The following FAM162A variants were observed in gnomAD, a reference collection of about 807,000 sequenced individuals.
The protein encoded by FAM162A is family with sequence similarity 162 member A.
FAM162A carries 23 observed loss-of-function variants against 21.8 expected under a neutral mutation model. The observed-to-expected ratio is 1.05, with a 90% CI of 0.76 to 1.49. FAM162A has a LOEUF of 1.49. FAM162A is among the 40% of genes most tolerant of loss of function. The pLI is 0.00. For missense variants in FAM162A, 165 were observed against 186.4 expected, an observed-to-expected ratio of 0.89 and a Z score of 0.67; for synonymous variants, 53 against 61.3, an observed-to-expected ratio of 0.86 and a Z score of 0.64.
chr3:122,387,101 T>A (rs2075577973), intron 1 of FAM162A, among the ~76,000 whole-genome samples: 1 of 152,208 alleles, frequency 6.6e-6, no homozygotes, highest in African/African-American at 2.4e-5. Flanking sequence ...GCAATACATA[T>A]TTTTTGGATG....
chr3:122,386,106 A>T (rs749540949), intron 1 of FAM162A, among the ~76,000 whole-genome samples: 2 of 152,236 alleles, frequency 1.3e-5, no homozygotes, highest in Non-Finnish European at 2.9e-5. Context: ...TGAATTTGTC[A>T]TGACTAATTG....
intron 1 of FAM162A, among the ~76,000 whole-genome samples, chr3:122,394,780 C>T (rs777632379): frequency 6.6e-6 from 1 of 152,142 alleles, no homozygotes; most frequent in Non-Finnish European, 1.5e-5. Context: ...CTTCCCAATA[C>T]ATTTGATGAG....
intron 1 of FAM162A, among the ~76,000 whole-genome samples, chr3:122,397,535 C>T (rs1354777469): frequency 6.6e-6 from 1 of 152,162 alleles, no homozygotes; most frequent in East Asian, 1.9e-4. Context: ...GCCTTTCCAG[C>T]TTTCATTTCT....
At chr3:122,384,450 G>A in intron 1 of FAM162A, 151 bp downstream of exon 1, 1 of 960,412 alleles carries the variant, frequency 1.0e-6, no homozygotes, top group East Asian at 2.6e-5. Context: ...GTAGCCATGT[G>A]GGAGGGAACT....
intron 1 of FAM162A, among the ~76,000 whole-genome samples, chr3:122,386,095 G>A (rs1019383971): frequency 3.9e-5 from 6 of 152,164 alleles, no homozygotes; most frequent in African/African-American, 1.4e-4. Flanking sequence ...CTGTGCGTGT[G>A]TGAATTTGTC....
intron 1 of FAM162A, among the ~76,000 whole-genome samples, chr3:122,390,722 T>C (rs1223256696): frequency 6.6e-6 from 1 of 152,210 alleles, no homozygotes; most frequent in Non-Finnish European, 1.5e-5. Flanking sequence ...GAAGTGCACA[T>C]TCTCAGGTTC....
chr3:122,410,106 G>A lies in FAM162A; in HGVS notation c.*275G>A, dbSNP rs1356178736. 8 of 415,318 alleles carry A rather than the reference G, an allele frequency of 1.9e-5. No homozygotes were observed. Among genetic ancestry groups the A allele is most frequent in the Non-Finnish European group, 9.0e-6 (2 of 221,136 alleles). 25.7% of individuals were successfully genotyped at this position (415,318 alleles called of 1,614,324 possible). A position where few individuals can be genotyped will look rare whatever the true frequency, so the allele number is the denominator to read the frequency against. On this transcript the variant is annotated 3_prime_UTR_variant, in exon 5 of 5. Coordinates refer to ENST00000477892, the MANE Select transcript of FAM162A (RefSeq NM_014367.4). ...TGAATACCAACTCTTCAGAGAAGCA[G>A]GTACCATATCTTACTTCTCTTCCCA...
rs141726416 is a variant in FAM162A, at chr3:122,388,929, G to A, written c.34+4630G>A. On this transcript the variant is annotated intron_variant, in intron 1 of 4. Coordinates refer to ENST00000477892, the MANE Select transcript of FAM162A (RefSeq NM_014367.4). Reference sequence around the variant, plus strand: ...CCGGGCGTGGTGGTGGGCGCCTGTAGTCCCAGCTACTCAGGAGGCTGAGGC... The same window carrying A: ...CCGGGCGTGGTGGTGGGCGCCTGTAATCCCAGCTACTCAGGAGGCTGAGGC... Among the ~76,000 whole-genome samples, 821 of 152,066 alleles carry A rather than the reference G, an allele frequency of 5.4e-3. 4 individuals carry two copies. Among genetic ancestry groups the A allele is most frequent in the East Asian group, 0.025 (127 of 5,176 alleles).
rs2107703052 is a variant in FAM162A, at chr3:122,411,361, T to C, written c.*1530T>C. The C allele has an allele frequency of 6.6e-6, 1 of 152,340 alleles. No individual in the cohort carries two copies. The highest frequency in any genetic ancestry group is 1.5e-5 in the Non-Finnish European group (1 of 68,024). The allele number at this position is 152,340 out of a possible 1,614,324, so 9.4% of individuals were successfully genotyped here. A position where few individuals can be genotyped will look rare whatever the true frequency, so the allele number is the denominator to read the frequency against. On this transcript the variant is annotated 3_prime_UTR_variant, in exon 5 of 5. Transcript: ENST00000477892. ...CTTGCAAATTTATTTTCAAAAAGCA[T>C]AGTTTCTTGTACATTTTAGAAGATT...
rs1240067160 is a variant in FAM162A, at chr3:122,412,070, A to G, written c.*2239A>G. The G allele has an allele frequency of 1.3e-5, 2 of 152,126 alleles. No homozygotes were observed. The highest frequency in any genetic ancestry group is 2.4e-5 in the African/African-American group (1 of 41,418). The allele number at this position is 152,126 out of a possible 1,614,324, so 9.4% of individuals were successfully genotyped here. A position where few individuals can be genotyped will look rare whatever the true frequency, so the allele number is the denominator to read the frequency against. On this transcript the variant is annotated 3_prime_UTR_variant, in exon 5 of 5. Coordinates refer to ENST00000477892, the MANE Select transcript of FAM162A (RefSeq NM_014367.4). ...AGTACCCTTACAGCACTCCTACCCTACTAGTAACTCTGATATCTCATAGTC... is the reference window on the plus strand; with the variant it reads ...AGTACCCTTACAGCACTCCTACCCTGCTAGTAACTCTGATATCTCATAGTC...
At position 122,402,875 on chromosome 3, in the gene FAM162A, T is replaced by C. The variant is rs1395588896; in HGVS notation, c.150T>C (p.Ala50=). The C allele has an allele frequency of 5.0e-6, 8 of 1,590,612 alleles. No homozygotes were observed. Among genetic ancestry groups the C allele is most frequent in the Non-Finnish European group, 6.8e-6 (8 of 1,173,052 alleles). The part of the protein sequence containing the change: ...FCTKPQESPG[A]PSRTYNRVPL... ...CAAAACCACAGGAAAGTCCCGGAGCTCCATCCCGTAAGTTTTTATTTTTTC... is the reference window on the plus strand; with the variant it reads ...CAAAACCACAGGAAAGTCCCGGAGCCCCATCCCGTAAGTTTTTATTTTTTC... The change falls in exon 2 of 5, where the codon GCT becomes GCC. Residue 50 remains alanine, a synonymous_variant. Coordinates refer to ENST00000477892, the MANE Select transcript of FAM162A (RefSeq NM_014367.4).
intron 1 of FAM162A, among the ~76,000 whole-genome samples, chr3:122,389,581 T>G (rs1430896597): frequency 1.3e-5 from 2 of 152,126 alleles, no homozygotes; most frequent in Non-Finnish European, 2.9e-5. Flanking sequence ...CACTGAAAAA[T>G]TGGAAAGAAA....
intron 4 of FAM162A, among the ~76,000 whole-genome samples, chr3:122,408,795 C>T (rs1183495675): frequency 1.3e-5 from 2 of 152,138 alleles, no homozygotes; most frequent in African/African-American, 2.4e-5. Context: ...AAATTATTCA[C>T]CTGGAATCTC....
At chr3:122,395,097 A>G (rs1022748719) in intron 1 of FAM162A, among the ~76,000 whole-genome samples, 3 of 152,214 alleles carry the variant, frequency 2.0e-5, no homozygotes, top group East Asian at 1.9e-4. Context: ...CTCAGAAACT[A>G]TGAATAGAAA....
chr3:122,404,698 A>C (rs530803456), intron 3 of FAM162A, among the ~76,000 whole-genome samples: 7 of 152,328 alleles, frequency 4.6e-5, no homozygotes, highest in Non-Finnish European at 8.8e-5. Flanking sequence ...ATTGACAATG[A>C]CTGTATTCCC....
chr3:122,399,402 C>T (rs547117482), intron 1 of FAM162A, among the ~76,000 whole-genome samples: 4 of 152,230 alleles, frequency 2.6e-5, no homozygotes, highest in South Asian at 4.2e-4. Flanking sequence ...AGGCTCACTG[C>T]GACCTTCGGC....
intron 2 of FAM162A, 88 bp downstream of exon 2, chr3:122,402,970 T>C (rs1576252031): frequency 7.1e-7 from 1 of 1,410,508 alleles, no homozygotes; most frequent in East Asian, 2.3e-5. Flanking sequence ...AGAGAAGAGG[T>C]TCCTATATCA....
intron 4 of FAM162A, 132 bp downstream of exon 4, chr3:122,407,521 G>A: frequency 3.0e-5 from 19 of 626,242 alleles, no homozygotes; most frequent in Middle Eastern, 3.3e-4. Flanking sequence ...GAAAAGATAA[G>A]CAAAAAAATA....
intron 1 of FAM162A, among the ~76,000 whole-genome samples, chr3:122,398,282 A>G (rs926577143): frequency 6.6e-6 from 1 of 152,218 alleles, no homozygotes; most frequent in African/African-American, 2.4e-5. Context: ...GATCTAGGTA[A>G]TAATCACCAT....
Sources: gnomAD v4.1 joint callset for allele counts (sites outside exome capture counted in the v4.1 genomes callset) on GRCh38, gnomAD v4.1.1 for gene constraint, MANE v1.5 for transcripts, NCBI Gene and HGNC (gene_info 2026-07-23, HGNC 2026-07-21) for gene names.